DDX55: variants seen among roughly 807,000 people sequenced by gnomAD.
The protein encoded by DDX55 is DEAD-box helicase 55, also known as ATP-dependent RNA helicase DDX55.
In DDX55, 56 loss-of-function variants were observed where a neutral mutation model predicts 69.2. The observed-to-expected ratio is 0.81, with a 90% CI of 0.65 to 1.01. The LOEUF (loss-of-function observed/expected upper bound fraction) is 1.01. DDX55 is among the 50% of genes least tolerant of loss of function. The pLI is 0.00. For missense variants in DDX55, 720 were observed against 745.1 expected (o/e 0.97, Z 0.39); for synonymous variants, 268 against 273.1 (o/e 0.98, Z 0.18).
chr12:123,604,032 A>C (rs1029341858), intron 1 of DDX55, among the ~76,000 whole-genome samples: 6 of 150,900 alleles, frequency 4.0e-5, no homozygotes, highest in Non-Finnish European at 5.9e-5. Context: ...TGAACTCCTG[A>C]CCTCAGGTAC....
In DDX55 at chr12:123,608,683, G is replaced by C; in HGVS notation, c.405G>C (p.Gly135=). 6.2e-7 allele frequency: 1 copy of C among 1,612,584 alleles called. No homozygotes were observed. Among genetic ancestry groups the C allele is most frequent in the Non-Finnish European group, 8.5e-7 (1 of 1,179,382 alleles). The change falls in exon 6 of 14, where the codon GGG becomes GGC. Residue 135 remains glycine (G), a synonymous_variant. Coordinates refer to ENST00000238146, the MANE Select transcript of DDX55 (RefSeq NM_020936.3). ...EDVERFKQQG[G]NIIVATPGRL... is the part of the protein sequence containing the mutation. ...AATGTTAACTTTCTTTCCAAAGTGG[G>C]AACATCATTGTGGCCACTCCAGGCC...
At chr12:123,603,255 G>A (rs1953675540) in intron 1 of DDX55, among the ~76,000 whole-genome samples, 1 of 152,134 alleles carries the variant, frequency 6.6e-6, no homozygotes, top group Non-Finnish European at 1.5e-5. Flanking sequence ...CCATTGTCAG[G>A]TAAGAGATGA....
chr12:123,617,765 G>T lies in DDX55; in HGVS notation c.1057G>T (p.Val353Leu). 6.2e-7 allele frequency: 1 copy of T among 1,611,816 alleles called. No homozygotes were observed. The highest frequency in any genetic ancestry group is 8.5e-7 in the Non-Finnish European group (1 of 1,179,184). ...CACCCTGTGTTCTCACAGTGCCTTC[G>T]TGCATCGCTGCGGTCGCACAGCTCG... is the stretch of plus-strand genomic sequence containing the variant. ...YDPPSNASAF[V>L]HRCGRTARIG... is the part of the protein sequence containing the mutation. The change falls in exon 11 of 14, where the codon GTG becomes TTG. Residue 353 changes from valine (V) to leucine (L), a missense_variant. Transcript: ENST00000238146.
Position 123,607,588 on chromosome 12 carries a change from T to G in DDX55, c.339-12T>G. On this transcript the variant is annotated splice_polypyrimidine_tract_variant and intron_variant, in intron 4 of 13. Transcript: ENST00000238146. Reference sequence around the variant, plus strand: ...TTGTCGAACTTAATCAAAGGCTGTTTTCTTGTTGTAGCCAGATTCTTTGGA... The same window carrying G: ...TTGTCGAACTTAATCAAAGGCTGTTGTCTTGTTGTAGCCAGATTCTTTGGA... 6.2e-7 allele frequency: 1 copy of G among 1,614,222 alleles called. No homozygotes were observed. Among genetic ancestry groups the G allele is most frequent in the Non-Finnish European group, 8.5e-7 (1 of 1,180,042 alleles).
rs1276666483 is a variant in DDX55 at position 123,619,711 on chromosome 12, G to C, written c.1613G>C (p.Arg538Thr). 2 of 1,572,210 alleles carry C rather than the reference G, an allele frequency of 1.3e-6. No individual in the cohort carries two copies. Among genetic ancestry groups the C allele is most frequent in the Non-Finnish European group, 1.7e-6 (2 of 1,169,750 alleles). The stretch of plus-strand genomic sequence containing the variant: ...AAGAAGAAAAAAATGAATGAGAAAA[G>C]GAAAAGGGAAGAGGTAAAGTTTACT... ...KEKKKKMNEK[R>T]KREEGSDIED... Residue 538 changes from arginine (R) to threonine (T), a missense_variant, in exon 13 of 14, where the codon AGG becomes ACG. Physicochemically the swap from Arg to Thr is moderately conservative, Grantham distance 71. Transcript: ENST00000238146.
chr12:123,610,614 T>TC (rs1300352346), intron 7 of DDX55, among the ~76,000 whole-genome samples: 7 of 132,814 alleles, frequency 5.3e-5, no homozygotes, highest in Admixed American at 4.7e-4. Flanking sequence ...TCTTTTTTTT[T>TC]TTTTTTTTTT....
At chr12:123,618,628 C>T (rs765107332) in intron 11 of DDX55, 41 bp from the exon 12 acceptor site, 7 of 1,591,710 alleles carry the variant, frequency 4.4e-6, no homozygotes, top group Non-Finnish European at 5.1e-6. Flanking sequence ...GATATGATGC[C>T]AGCCAGGGAA....
intron 11 of DDX55, 47 bp downstream of exon 11, chr12:123,617,919 C>G: frequency 6.4e-7 from 1 of 1,552,480 alleles, no homozygotes; most frequent in South Asian, 1.1e-5. Context: ...GACGGGGTAG[C>G]TGGAAAAGTT....
At position 123,613,271 on chromosome 12, in the gene DDX55, T is replaced by A; in HGVS notation, c.824+19T>A. On this transcript the variant is annotated intron_variant, in intron 8 of 13. Coordinates refer to ENST00000238146, the MANE Select transcript of DDX55 (RefSeq NM_020936.3). ...TCTTCAGGTACTCCTCTGGTCTCTGTGGTAGAGGCATCAGGGATTCAGCCA... is the reference window on the plus strand; with the variant it reads ...TCTTCAGGTACTCCTCTGGTCTCTGAGGTAGAGGCATCAGGGATTCAGCCA... 1.2e-6 allele frequency: 2 copies of A among 1,612,476 alleles called. No homozygotes were observed. Among genetic ancestry groups the A allele is most frequent in the Non-Finnish European group, 1.7e-6 (2 of 1,178,628 alleles).
chr12:123,604,519 C>G (rs1194839293), intron 1 of DDX55, among the ~76,000 whole-genome samples: 3 of 152,038 alleles, frequency 2.0e-5, no homozygotes, highest in South Asian at 2.1e-4. Context: ...GAATGTAGTG[C>G]GAGCAAGACC....
chr12:123,615,366 C>T, intron 9 of DDX55, 50 bp downstream of exon 9: 1 of 1,604,258 alleles, frequency 6.2e-7, no homozygotes, highest in South Asian at 1.1e-5. Context: ...ACTGCTCTTT[C>T]AGGTCCCCAA....
At position 123,605,476 on chromosome 12, in the gene DDX55, T is replaced by A. The variant is rs770452217; in HGVS notation, c.109-455T>A. 100 of 282,528 alleles carry A rather than the reference T, an allele frequency of 3.5e-4. No homozygotes were observed. In the Middle Eastern group the frequency reaches 4.1e-3, roughly 12 times the overall value. 17.5% of individuals were successfully genotyped at this position (282,528 alleles called of 1,614,324 possible). ...GAGCTCAGGCCCTGGGGACCAGGGC[T>A]GAATCCTGGAGGGAGCAGCCTCCAG... On this transcript the variant is annotated intron_variant, in intron 1 of 13. Coordinates refer to ENST00000238146, the MANE Select transcript of DDX55 (RefSeq NM_020936.3).
intron 2 of DDX55, 22 bp downstream of exon 2, chr12:123,606,003 A>G: frequency 6.2e-7 from 1 of 1,614,180 alleles, no homozygotes; most frequent in Non-Finnish European, 8.5e-7. Context: ...GGGTATGTGC[A>G]GCCTGTCCTC....
chr12:123,610,797 A>G (rs895952489), intron 7 of DDX55, among the ~76,000 whole-genome samples: 5 of 150,756 alleles, frequency 3.3e-5, no homozygotes, highest in Non-Finnish European at 7.4e-5. Flanking sequence ...TAGCCCTGTT[A>G]GCCAGGATGG....
chr12:123,602,287 C>T, intron 1 of DDX55, 31 bp downstream of exon 1: 1 of 1,520,846 alleles, frequency 6.6e-7, no homozygotes, highest in Non-Finnish European at 8.8e-7. Context: ...GGGAGTGAGG[C>T]TGGGAGAGGG....
Position 123,615,211 on chromosome 12 carries a change from G to A in DDX55, c.851G>A (p.Gly284Glu). The change falls in exon 9 of 14, where the codon GGG (glycine) becomes GAG (glutamate). Residue 284 changes from glycine to glutamate, a missense_variant. Physicochemically the swap from Gly to Glu is moderately conservative, Grantham distance 98. Transcript: ENST00000238146. ...FSTCACVEYY[G>E]KALEVLVKGV... ...ACCTGTGCCTGTGTGGAATACTATG[G>A]GAAGGCTCTGGAAGTGCTGGTGAAG... The A allele has an allele frequency of 4.3e-6, 7 of 1,614,118 alleles. No individual in the cohort carries two copies. The highest frequency in any genetic ancestry group is 5.9e-6 in the Non-Finnish European group (7 of 1,179,982).
At chr12:123,614,076 G>GTA (rs1331208635) in intron 8 of DDX55, among the ~76,000 whole-genome samples, 3 of 152,088 alleles carry the variant, frequency 2.0e-5, no homozygotes, top group Non-Finnish European at 4.4e-5. Flanking sequence ...ATGACCCACA[G>GTA]TAAGAAGTAC....
chr12:123,615,110 G>A, intron 8 of DDX55, 75 bp from the exon 9 acceptor site: 1 of 1,592,246 alleles, frequency 6.3e-7, no homozygotes, highest in Non-Finnish European at 8.6e-7. Context: ...TGCAGCTATT[G>A]CTCACTGTTC....
In DDX55 at chr12:123,606,146, TAA is replaced by T. The variant is rs762423517; in HGVS notation, c.238_239del (p.Lys80GlufsTer48). 5.8e-5 allele frequency: 93 copies of T among 1,614,030 alleles called. No individual in the cohort carries two copies. The Admixed American group carries it at 6.5e-4, about 11-fold the overall frequency. On this transcript the variant is annotated frameshift_variant, in exon 3 of 14. Coordinates refer to ENST00000238146, the MANE Select transcript of DDX55 (RefSeq NM_020936.3). LOFTEE classifies it high-confidence loss of function. The stretch of plus-strand genomic sequence containing the variant: ...ATTCTTCTGAGAAGAGAAGAGAAGT[TAA>T]AAAAGAGTCAGGTGAGGACAACAAA...
Sources: gnomAD v4.1 joint callset for allele counts (sites outside exome capture counted in the v4.1 genomes callset) on GRCh38, gnomAD v4.1.1 for gene constraint, MANE v1.5 for transcripts, NCBI Gene and HGNC (gene_info 2026-07-23, HGNC 2026-07-21) for gene names.